The following ITGA9 variants were observed in gnomAD, a reference collection of about 807,000 sequenced individuals.
ITGA9 encodes integrin alpha-9.
A neutral mutation model predicts 127.8 loss-of-function variants in ITGA9; 56 were observed. The ratio of observed to expected loss-of-function variants is 0.44; its 90% CI spans 0.35 to 0.55. The LOEUF is 0.55. Ranked by LOEUF, ITGA9 falls within the 20% of genes least tolerant of loss-of-function variation. ITGA9 has a pLI of 0.00. For synonymous variants in ITGA9, 508 were observed against 514.5 expected (o/e 0.99, Z 0.17); for missense variants, 1,196 against 1,347.1 (o/e 0.89, Z 1.76).
At chr3:37,553,284 A>G (rs963845374) in intron 15 of ITGA9, among the ~76,000 whole-genome samples, 6 of 152,196 alleles carry the variant, frequency 3.9e-5, no homozygotes, top group Non-Finnish European at 7.3e-5. Context: ...AAATTAAGTG[A>G]TACATTACTG....
intron 3 of ITGA9, among the ~76,000 whole-genome samples, chr3:37,477,285 T>G (rs1466615376): frequency 6.6e-6 from 1 of 152,200 alleles, no homozygotes; most frequent in Non-Finnish European, 1.5e-5. Context: ...AAGGTTGGGT[T>G]TGAAGAGGGA....
chr3:37,685,441 C>T (rs904343789), intron 18 of ITGA9, among the ~76,000 whole-genome samples: 14 of 152,104 alleles, frequency 9.2e-5, no homozygotes, highest in Admixed American at 5.2e-4. Flanking sequence ...TAAAAATTAC[C>T]GCTGGATTAA....
chr3:37,676,015 T>G lies in ITGA9; in HGVS notation c.1917-7850T>G, dbSNP rs149783709. Among the ~76,000 whole-genome samples the G allele has an allele frequency of 2.0e-3, 306 of 152,326 alleles. 1 individual carries two copies. Among genetic ancestry groups the G allele is most frequent in the African/African-American group, 6.4e-3 (265 of 41,572 alleles). ...CCTTGGCCTCCCAAAGTGCTGGGAT[T>G]ACAGGCATGAGTCATCACGCCCGGC... On this transcript the variant is annotated intron_variant, in intron 17 of 27. Transcript: ENST00000264741.
At chr3:37,511,004 A>G (rs1014571614) in intron 8 of ITGA9, among the ~76,000 whole-genome samples, 3 of 152,150 alleles carry the variant, frequency 2.0e-5, no homozygotes, top group African/African-American at 7.2e-5. Flanking sequence ...TACCTCCTAC[A>G]AAAGGACATG....
chr3:37,631,977 C>T (rs1213822086), intron 16 of ITGA9, among the ~76,000 whole-genome samples: 7 of 152,290 alleles, frequency 4.6e-5, no homozygotes, highest in South Asian at 2.1e-4. Context: ...AAGTCACCAA[C>T]GTAAGAGCTA....
At position 37,517,905 on chromosome 3, in the gene ITGA9, A is replaced by G. The variant is rs11917032; in HGVS notation, c.1141+296A>G. On this transcript the variant is annotated intron_variant, in intron 10 of 27. Transcript: ENST00000264741. ...TGGAAGCAAACCTTGGGGCTGGTCC[A>G]TTTGGGACTTCTTATGGCAAGAAGT... 6.6e-3 allele frequency among the ~76,000 whole-genome samples: 1,001 copies of G among 152,254 alleles called. 16 individuals carry two copies. Among genetic ancestry groups the G allele is most frequent in the African/African-American group, 0.023 (938 of 41,550 alleles).
chr3:37,495,954 C>T (rs1337078356), intron 5 of ITGA9, among the ~76,000 whole-genome samples: 1 of 152,184 alleles, frequency 6.6e-6, no homozygotes. Context: ...ATCCTGGCCC[C>T]TGGACTTGGC....
chr3:37,798,013 C>T (rs868717421), intron 26 of ITGA9, among the ~76,000 whole-genome samples: 6 of 151,504 alleles, frequency 4.0e-5, no homozygotes, highest in African/African-American at 9.7e-5. Flanking sequence ...TTATTTTGGA[C>T]GGGGTCTTGC....
At chr3:37,579,366 T>A (rs962080014) in intron 15 of ITGA9, among the ~76,000 whole-genome samples, 5 of 152,174 alleles carry the variant, frequency 3.3e-5, no homozygotes, top group Admixed American at 2.0e-4. Context: ...CAAAGTTACC[T>A]TATGGCCCAA....
chr3:37,774,348 T>G (rs1696880810), intron 23 of ITGA9, among the ~76,000 whole-genome samples: 1 of 152,192 alleles, frequency 6.6e-6, no homozygotes, highest in South Asian at 2.1e-4. Context: ...AGACCTGATG[T>G]TGATTGAGAT....
chr3:37,722,961 A>G (rs1213356806), intron 18 of ITGA9, among the ~76,000 whole-genome samples: 1 of 152,214 alleles, frequency 6.6e-6, no homozygotes, highest in Non-Finnish European at 1.5e-5. Flanking sequence ...CAGTTTGTCC[A>G]CATCTAGTCC....
In ITGA9 at chr3:37,649,690, G is replaced by T. The variant is rs72857270; in HGVS notation, c.1840-4024G>T. Among the ~76,000 whole-genome samples, 960 of 152,282 alleles carry T rather than the reference G, an allele frequency of 6.3e-3. 12 individuals carry two copies. Among genetic ancestry groups the T allele is most frequent in the African/African-American group, 0.022 (901 of 41,562 alleles). ...AAATCAGTAAAGAAGCAGTAGACTTGAACAACTGGACCTGTGTAACAAATG... is the reference window on the plus strand; with the variant it reads ...AAATCAGTAAAGAAGCAGTAGACTTTAACAACTGGACCTGTGTAACAAATG... On this transcript the variant is annotated intron_variant, in intron 16 of 27. Transcript: ENST00000264741.
chr3:37,588,457 C>G (rs912236710), intron 15 of ITGA9, among the ~76,000 whole-genome samples: 1 of 152,234 alleles, frequency 6.6e-6, no homozygotes, highest in Non-Finnish European at 1.5e-5. Flanking sequence ...GTAGGGTACA[C>G]TCACTCATGG....
chr3:37,480,738 C>T (rs893437059), intron 3 of ITGA9, among the ~76,000 whole-genome samples: 1 of 152,178 alleles, frequency 6.6e-6, no homozygotes, highest in Non-Finnish European at 1.5e-5. Context: ...CTGCTGTCTC[C>T]ACATCGGTTC....
At position 37,656,435 on chromosome 3, in the gene ITGA9, T is replaced by A. The variant is rs181024740; in HGVS notation, c.1916+2645T>A. 2.2e-3 allele frequency among the ~76,000 whole-genome samples: 339 copies of A among 152,308 alleles called. 3 individuals are homozygous for A. Among genetic ancestry groups the A allele is most frequent in the African/African-American group, 7.8e-3 (323 of 41,560 alleles). On this transcript the variant is annotated intron_variant, in intron 17 of 27. Coordinates refer to ENST00000264741, the MANE Select transcript of ITGA9 (RefSeq NM_002207.3). ...CTCTTGTAAGTTGGATTCCTAGGTA[T>A]TTTATTCTGTTTGTAGCAATTGTGA...
chr3:37,638,630 A>T (rs1268713086), intron 16 of ITGA9, among the ~76,000 whole-genome samples: 2 of 152,252 alleles, frequency 1.3e-5, no homozygotes, highest in African/African-American at 2.4e-5. Flanking sequence ...AATTCATCAG[A>T]ACTCTCTAGG....
intron 17 of ITGA9, among the ~76,000 whole-genome samples, chr3:37,664,263 C>CA (rs1236883390): frequency 6.6e-6 from 1 of 152,014 alleles, no homozygotes; most frequent in Non-Finnish European, 1.5e-5. Flanking sequence ...GGTAGATGGG[C>CA]AAAAAATCCA....
At chr3:37,496,475 A>G (rs1698730649) in intron 5 of ITGA9, among the ~76,000 whole-genome samples, 1 of 152,034 alleles carries the variant, frequency 6.6e-6, no homozygotes, top group Non-Finnish European at 1.5e-5. Flanking sequence ...AATGACATCC[A>G]TTGCCCTCCA....
chr3:37,546,281 G>A (rs1291113713), intron 15 of ITGA9, among the ~76,000 whole-genome samples: 1 of 152,188 alleles, frequency 6.6e-6, no homozygotes, highest in Non-Finnish European at 1.5e-5. Flanking sequence ...AAAGGGAAAT[G>A]ATCAAGTTCT....
Sources: gnomAD v4.1 joint callset for allele counts (sites outside exome capture counted in the v4.1 genomes callset) on GRCh38, gnomAD v4.1.1 for gene constraint, MANE v1.5 for transcripts, NCBI Gene and HGNC (gene_info 2026-07-23, HGNC 2026-07-21) for gene names.